Variants in NEK1 observed in about 807,000 individuals in gnomAD.
The protein encoded by NEK1 is serine/threonine-protein kinase Nek1.
NEK1 carries 137 observed loss-of-function variants against 182.1 expected under a neutral mutation model. That is an observed-to-expected ratio of 0.75 (90% confidence interval 0.65 to 0.87). The LOEUF (loss-of-function observed/expected upper bound fraction) is 0.87, where lower values mean the gene tolerates loss of function less well. Among genes scored for constraint, NEK1 ranks in the 40% least tolerant of loss-of-function variants. The probability of loss-of-function intolerance (pLI) is 0.00; values close to 1 mark genes in which losing one functional copy is unlikely to be tolerated. For synonymous variants in NEK1, 513 were observed against 492.2 expected (o/e 1.04, Z -0.56); for missense variants, 1,391 against 1,494.4 (o/e 0.93, Z 1.14).
intron 23 of NEK1, among the ~76,000 whole-genome samples, chr4:169,490,239 G>C (rs192430690): frequency 6.6e-6 from 1 of 152,096 alleles, no homozygotes; most frequent in East Asian, 1.9e-4. Context: ...CCTGGAACCA[G>C]AGGCAGAACC....
At chr4:169,587,380 C>CAT (rs1262381052) in intron 9 of NEK1, among the ~76,000 whole-genome samples, 179 bp downstream of exon 9, 1 of 151,400 alleles carries the variant, frequency 6.6e-6, no homozygotes, top group Non-Finnish European at 1.5e-5. Context: ...ACCAGATATG[C>CAT]ATATATACAA....
intron 18 of NEK1, among the ~76,000 whole-genome samples, chr4:169,544,044 G>A (rs1454640191): frequency 2.0e-5 from 3 of 152,118 alleles, no homozygotes; most frequent in African/African-American, 7.2e-5. Context: ...GTGAGAGAGG[G>A]TATCCTTGTC....
At chr4:169,482,157 C>T (rs79664434) in intron 23 of NEK1, among the ~76,000 whole-genome samples, 9,324 of 152,270 alleles carry the variant, frequency 0.061, 407 homozygotes, top group Non-Finnish European at 0.095. Context: ...CTAGTCTTCA[C>T]GGAATTGAGG....
intron 31 of NEK1, among the ~76,000 whole-genome samples, chr4:169,411,279 T>C (rs1187774730): frequency 2.0e-5 from 3 of 150,126 alleles, no homozygotes; most frequent in African/African-American, 7.5e-5. Flanking sequence ...GATCTTTATC[T>C]GACTCTATTT....
chr4:169,538,452 GTTAT>G (rs59637275), intron 18 of NEK1, among the ~76,000 whole-genome samples: 13,374 of 152,088 alleles, frequency 0.088, 752 homozygotes, highest in African/African-American at 0.16. Flanking sequence ...ATTAAAAACA[GTTAT>G]TTGTTTTAAT....
intron 19 of NEK1, among the ~76,000 whole-genome samples, chr4:169,513,930 T>C (rs564607214): frequency 1.3e-5 from 2 of 152,062 alleles, no homozygotes; most frequent in Non-Finnish European, 2.9e-5. Flanking sequence ...TGGTTGGGGC[T>C]GGATATAATT....
chr4:169,396,208 A>G (rs1172621054), intron 35 of NEK1, among the ~76,000 whole-genome samples: 1 of 151,824 alleles, frequency 6.6e-6, no homozygotes. Flanking sequence ...TCTACTAAAA[A>G]TACAAAAATT....
intron 26 of NEK1, among the ~76,000 whole-genome samples, 195 bp downstream of exon 26, chr4:169,476,929 A>C (rs1470974989): frequency 6.6e-6 from 1 of 152,088 alleles, no homozygotes; most frequent in Non-Finnish European, 1.5e-5. Flanking sequence ...AAGGCTGATT[A>C]GTTTGATTAG....
chr4:169,585,311 T>A, intron 10 of NEK1, 38 bp downstream of exon 10: 1 of 1,513,704 alleles, frequency 6.6e-7, no homozygotes, highest in South Asian at 1.2e-5. Flanking sequence ...CTAAGCAACA[T>A]AACCCTACTG....
chr4:169,525,063 T>C (rs566407890), intron 19 of NEK1, among the ~76,000 whole-genome samples: 1 of 152,328 alleles, frequency 6.6e-6, no homozygotes, highest in South Asian at 2.1e-4. Flanking sequence ...GTATATTATT[T>C]TGCTTTTTAA....
intron 19 of NEK1, among the ~76,000 whole-genome samples, chr4:169,537,124 G>A (rs188006739): frequency 6.6e-6 from 1 of 152,186 alleles, no homozygotes; most frequent in East Asian, 1.9e-4. Context: ...GTTGCTGAGT[G>A]GACAGACATA....
At position 169,477,455 on chromosome 4, in the gene NEK1, G is replaced by C. The variant is rs1253326104; in HGVS notation, c.2182C>G (p.Gln728Glu). ...ACTGAAATAGCATTGTTGGTCTTTT[G>C]CATCTCTTCTGAAGTTTCCCGGGTA... Reference protein sequence around the residue: ...TDTRETSEEMQKTNNAISSKR... With the variant: ...TDTRETSEEMEKTNNAISSKR... Residue 728 changes from glutamine (Q) to glutamate (E), a missense_variant, in exon 25 of 36, where the codon CAA becomes GAA. Transcript: ENST00000507142. 6.2e-7 allele frequency: 1 copy of C among 1,607,260 alleles called. No individual in the cohort carries two copies. Among genetic ancestry groups the C allele is most frequent in the Non-Finnish European group, 8.5e-7 (1 of 1,176,832 alleles).
chr4:169,406,617 CCTT>C lies in NEK1; in HGVS notation c.3350_3352del (p.Glu1117del), dbSNP rs1288226643. The stretch of plus-strand genomic sequence containing the variant: ...TTACATGTCTTCAGAATCAGAAGGT[CCTT>C]CTTTAATGTTTTCATCTTCAATTTC... On this transcript the variant is annotated inframe_deletion, in exon 32 of 36. Coordinates refer to ENST00000507142, the MANE Select transcript of NEK1 (RefSeq NM_001199397.3). 1.9e-6 allele frequency: 3 copies of C among 1,602,626 alleles called. No homozygotes were observed. In the South Asian group the frequency reaches 3.4e-5, roughly 18 times the overall value.
intron 2 of NEK1, among the ~76,000 whole-genome samples, chr4:169,608,744 T>C (rs1771809954): frequency 6.6e-6 from 1 of 152,180 alleles, no homozygotes; most frequent in Non-Finnish European, 1.5e-5. Flanking sequence ...TGTGCCACGA[T>C]ACCCAATCTC....
chr4:169,581,180 T>G (rs1212530009), intron 10 of NEK1, among the ~76,000 whole-genome samples: 1 of 151,854 alleles, frequency 6.6e-6, no homozygotes, highest in Non-Finnish European at 1.5e-5. Context: ...ATCTCGTCTC[T>G]ATTTTAAAAA....
rs1218381468 is a variant in NEK1 at position 169,577,077 on chromosome 4, T to C, written c.871A>G (p.Lys291Glu). ...SKFGSQPIPA[K>E]RPASGQNSIS... ...GAGTTTTGTCCTGAAGCTGGTCTTTTAGCTAGATGAAAAGATACAAAGAAT... is the reference window on the plus strand; with the variant it reads ...GAGTTTTGTCCTGAAGCTGGTCTTTCAGCTAGATGAAAAGATACAAAGAAT... The change falls in exon 12 of 36, where the codon AAA (lysine) becomes GAA (glutamate). Residue 291 changes from lysine (K) to glutamate (E), a missense_variant and splice_region_variant. This residue lies in a region of NEK1 where 1,216 missense variants were observed against 1,277.6 expected (regional missense o/e 0.95). Coordinates refer to ENST00000507142, the MANE Select transcript of NEK1 (RefSeq NM_001199397.3). 4 of 1,613,298 alleles carry C rather than the reference T, an allele frequency of 2.5e-6. No homozygotes were observed. Among genetic ancestry groups the C allele is most frequent in the Non-Finnish European group, 3.4e-6 (4 of 1,179,676 alleles).
In NEK1 at chr4:169,516,427, C is replaced by T. The variant is rs1377855306; in HGVS notation, c.1666-7575G>A. 7.6e-4 allele frequency among the ~76,000 whole-genome samples: 88 copies of T among 115,420 alleles called. 1 individual carries two copies. Among genetic ancestry groups the T allele is most frequent in the Middle Eastern group, 4.2e-3 (1 of 238 alleles). The allele number at this position is 115,420 out of a possible 152,430, so 75.7% of individuals were successfully genotyped here. On this transcript the variant is annotated intron_variant, in intron 19 of 35. Coordinates refer to ENST00000507142, the MANE Select transcript of NEK1 (RefSeq NM_001199397.3). The stretch of plus-strand genomic sequence containing the variant: ...AGGCCTTTGTCAGATGAGTAGGTTG[C>T]GAAAATTTTCTCCCATGTTGTAGGT...
intron 12 of NEK1, among the ~76,000 whole-genome samples, chr4:169,569,913 C>T (rs1414857222): frequency 6.6e-6 from 1 of 152,170 alleles, no homozygotes; most frequent in East Asian, 1.9e-4. Flanking sequence ...CCAGCCGCCA[C>T]CCCGTCTGGG....
At chr4:169,452,493 G>A (rs901742016) in intron 27 of NEK1, among the ~76,000 whole-genome samples, 1 of 152,180 alleles carries the variant, frequency 6.6e-6, no homozygotes, top group Non-Finnish European at 1.5e-5. Flanking sequence ...TCCCTGGGAT[G>A]CAAGTCTGGT....
Sources: gnomAD v4.1 joint callset for allele counts (sites outside exome capture counted in the v4.1 genomes callset) on GRCh38, gnomAD v4.1.1 for gene constraint, gnomAD v4.1.1 regional missense constraint, MANE v1.5 for transcripts, NCBI Gene and HGNC (gene_info 2026-07-23, HGNC 2026-07-21) for gene names.